The following THRB variants were observed in gnomAD, a reference collection of about 807,000 sequenced individuals.
THRB encodes the protein nuclear receptor subfamily 1 group A member 2.
A neutral mutation model predicts 47.8 loss-of-function variants in THRB; 12 were observed. The observed-to-expected ratio is 0.25, with a 90% CI of 0.16 to 0.41. The LOEUF (loss-of-function observed/expected upper bound fraction) is 0.41. Among genes scored for constraint, THRB ranks in the 10% least tolerant of loss-of-function variants. The pLI, the probability that THRB is intolerant of heterozygous loss-of-function variation, is 1.00. For synonymous variants in THRB, 218 were observed against 212.2 expected, an observed-to-expected ratio of 1.03 and a Z score of -0.24; for missense variants, 348 against 589.2, an observed-to-expected ratio of 0.59 and a Z score of 4.24.
chr3:24,441,791 G>C (rs1455054330), intron 1 of THRB, among the ~76,000 whole-genome samples: 1 of 152,042 alleles, frequency 6.6e-6, no homozygotes, highest in East Asian at 1.9e-4. Flanking sequence ...CATCATTAGA[G>C]ACTCCTTCCA....
At chr3:24,278,480 T>A (rs1050304285) in intron 3 of THRB, among the ~76,000 whole-genome samples, 3 of 152,142 alleles carry the variant, frequency 2.0e-5, no homozygotes, top group South Asian at 4.1e-4. Context: ...GCTCAGCATC[T>A]CCAGGAAAAA....
chr3:24,374,187 C>T (rs979823131), intron 1 of THRB, among the ~76,000 whole-genome samples: 2 of 151,956 alleles, frequency 1.3e-5, no homozygotes, highest in African/African-American at 4.8e-5. Context: ...TGTACTGAGC[C>T]AAGTGGTGTA....
chr3:24,426,144 C>G (rs750669696), intron 1 of THRB, among the ~76,000 whole-genome samples: 3 of 151,892 alleles, frequency 2.0e-5, no homozygotes, highest in Non-Finnish European at 4.4e-5. Flanking sequence ...TACCTGTTCA[C>G]CTGTCATCCA....
chr3:24,222,475 A>G (rs2047250298), intron 4 of THRB, among the ~76,000 whole-genome samples: 1 of 151,974 alleles, frequency 6.6e-6, no homozygotes, highest in African/African-American at 2.4e-5. Context: ...CGGGGAGGGG[A>G]GGCAGTGTGT....
At chr3:24,340,948 T>G (rs2062598876) in intron 1 of THRB, among the ~76,000 whole-genome samples, 1 of 152,116 alleles carries the variant, frequency 6.6e-6, no homozygotes, top group African/African-American at 2.4e-5. Context: ...TGAATTTTCC[T>G]CCCTGTTTCC....
chr3:24,152,890 A>G (rs1297057167), intron 5 of THRB, among the ~76,000 whole-genome samples: 1 of 151,694 alleles, frequency 6.6e-6, no homozygotes, highest in African/African-American at 2.4e-5. Context: ...TGAACCCAGG[A>G]GGCAGAGGTT....
At chr3:24,472,636 T>C (rs553368297) in intron 1 of THRB, among the ~76,000 whole-genome samples, 38 of 152,256 alleles carry the variant, frequency 2.5e-4, no homozygotes, top group African/African-American at 8.2e-4. Context: ...GTATAAAAGG[T>C]TTCTTTCTTC....
At chr3:24,176,071 T>A (rs564489522) in intron 5 of THRB, among the ~76,000 whole-genome samples, 1 of 152,204 alleles carries the variant, frequency 6.6e-6, no homozygotes, top group African/African-American at 2.4e-5. Context: ...ATTTATCTGT[T>A]TTTCCAAAGA....
At chr3:24,149,154 G>A (rs942878810) in intron 6 of THRB, among the ~76,000 whole-genome samples, 23 of 152,122 alleles carry the variant, frequency 1.5e-4, no homozygotes, top group African/African-American at 5.6e-4. Flanking sequence ...GACCAAGGAG[G>A]GCAAAGGAGA....
intron 4 of THRB, among the ~76,000 whole-genome samples, chr3:24,196,156 G>C (rs1028036770): frequency 2.0e-5 from 3 of 152,104 alleles, no homozygotes; most frequent in South Asian, 2.1e-4. Context: ...GTACATGATG[G>C]AACTGGACTC....
At chr3:24,145,928 G>T (rs2036024014) in intron 7 of THRB, among the ~76,000 whole-genome samples, 1 of 152,036 alleles carries the variant, frequency 6.6e-6, no homozygotes, top group Non-Finnish European at 1.5e-5. Context: ...GCAAAAGGGA[G>T]GCCACACATT....
At chr3:24,460,578 A>G (rs2073604886) in intron 1 of THRB, among the ~76,000 whole-genome samples, 1 of 152,218 alleles carries the variant, frequency 6.6e-6, no homozygotes, top group East Asian at 1.9e-4. Context: ...ATAAAGCTTA[A>G]CTTTATAATT....
intron 1 of THRB, chr3:24,483,901 G>A (rs890433784): frequency 6.6e-6 from 1 of 152,236 alleles, no homozygotes; most frequent in Non-Finnish European, 1.5e-5. Flanking sequence ...ATTTAGGTAG[G>A]GGACATGCGA....
chr3:24,372,704 T>C lies in THRB; in HGVS notation c.-260-35333A>G, dbSNP rs78763937. ...AGGTTTTTCCATGCTTCTCTAACCATCCCCATTTTACAGACAGGAGAGTCC... is the reference window on the plus strand; with the variant it reads ...AGGTTTTTCCATGCTTCTCTAACCACCCCCATTTTACAGACAGGAGAGTCC... On this transcript the variant is annotated intron_variant, in intron 1 of 10. Coordinates refer to ENST00000646209, the MANE Select transcript of THRB (RefSeq NM_001354712.2). 8.9e-3 allele frequency among the ~76,000 whole-genome samples: 1,359 copies of C among 152,122 alleles called. 13 individuals are homozygous for C. Among genetic ancestry groups the C allele is most frequent in the African/African-American group, 0.031 (1,307 of 41,510 alleles).
chr3:24,268,297 G>A (rs912123423), intron 3 of THRB, among the ~76,000 whole-genome samples: 2 of 152,172 alleles, frequency 1.3e-5, no homozygotes, highest in African/African-American at 2.4e-5. Flanking sequence ...AACAATTGGT[G>A]AAATTAGAAT....
At position 24,384,988 on chromosome 3, in the gene THRB, C is replaced by G. The variant is rs116306832; in HGVS notation, c.-260-47617G>C. On this transcript the variant is annotated intron_variant, in intron 1 of 10. Transcript: ENST00000646209. ...ATGACTTGTGCACTGCATGAATATA[C>G]TACTTCAATTAAAACAAAATTTAAG... Among the ~76,000 whole-genome samples the G allele has an allele frequency of 3.1e-3, 471 of 152,172 alleles. 1 individual carries two copies. The highest frequency in any genetic ancestry group is 0.011 in the African/African-American group (451 of 41,542).
chr3:24,244,199 A>T (rs2049879609), intron 3 of THRB, among the ~76,000 whole-genome samples: 1 of 152,154 alleles, frequency 6.6e-6, no homozygotes, highest in Non-Finnish European at 1.5e-5. Flanking sequence ...AATGGCTGTA[A>T]ATACACCAAA....
intron 4 of THRB, among the ~76,000 whole-genome samples, chr3:24,222,818 G>C (rs549922836): frequency 2.8e-4 from 43 of 152,278 alleles, no homozygotes; most frequent in African/African-American, 1.0e-3. Flanking sequence ...CTAGCTATTT[G>C]GGCTATTTTT....
At chr3:24,386,105 G>A (rs1384338729) in intron 1 of THRB, among the ~76,000 whole-genome samples, 1 of 152,134 alleles carries the variant, frequency 6.6e-6, no homozygotes, top group Non-Finnish European at 1.5e-5. Flanking sequence ...CCAAGGAGGA[G>A]GTTCCAGAGT....
Sources: allele counts gnomAD v4.1 joint callset (sites outside exome capture counted in the v4.1 genomes callset), GRCh38; gene constraint gnomAD v4.1.1; transcripts MANE v1.5; gene names NCBI Gene and HGNC (gene_info 2026-07-23, HGNC 2026-07-21).